The following GALNTL6 variants were observed in gnomAD, a reference collection of about 807,000 sequenced individuals.
GALNTL6 encodes polypeptide N-acetylgalactosaminyltransferase-like 6.
GALNTL6 carries 46 observed loss-of-function variants against 73.7 expected under a neutral mutation model. That is an observed-to-expected ratio of 0.62 (90% CI 0.49 to 0.80). GALNTL6 has a LOEUF of 0.80. GALNTL6 is among the 30% of genes least tolerant of loss of function. The pLI, the probability that GALNTL6 is intolerant of heterozygous loss-of-function variation, is 0.00. For synonymous variants in GALNTL6, 259 were observed against 263.7 expected, an observed-to-expected ratio of 0.98 and a Z score of 0.17; for missense variants, 604 against 755.0, an observed-to-expected ratio of 0.80 and a Z score of 2.34.
At chr4:172,090,330 G>T (rs996666266) in intron 2 of GALNTL6, among the ~76,000 whole-genome samples, 1 of 152,082 alleles carries the variant, frequency 6.6e-6, no homozygotes, top group South Asian at 2.1e-4. Flanking sequence ...GTGTAAAAGC[G>T]TTCCTATTTC....
At chr4:172,219,900 C>A (rs1443764599) in intron 2 of GALNTL6, among the ~76,000 whole-genome samples, 1 of 151,916 alleles carries the variant, frequency 6.6e-6, no homozygotes, top group Admixed American at 6.6e-5. Context: ...CTTGCTTACC[C>A]ACGTAAGAAC....
chr4:172,464,659 A>G (rs1732741153), intron 5 of GALNTL6, among the ~76,000 whole-genome samples: 1 of 152,014 alleles, frequency 6.6e-6, no homozygotes, highest in African/African-American at 2.4e-5. Context: ...GTGAGCCGAG[A>G]TCGCACCACT....
chr4:172,244,194 A>G (rs1478704934), intron 3 of GALNTL6, among the ~76,000 whole-genome samples: 3 of 152,158 alleles, frequency 2.0e-5, no homozygotes, highest in African/African-American at 7.2e-5. Flanking sequence ...TTTGTCACTC[A>G]TTGCATAATA....
intron 3 of GALNTL6, among the ~76,000 whole-genome samples, chr4:172,234,734 A>T (rs999128529): frequency 1.3e-5 from 2 of 152,264 alleles, no homozygotes; most frequent in African/African-American, 4.8e-5. Flanking sequence ...TTTATCTATG[A>T]ATTAATATTG....
chr4:172,219,204 T>TATATATATATATATATATAG (rs1736594879), intron 2 of GALNTL6, among the ~76,000 whole-genome samples: 1 of 141,562 alleles, frequency 7.1e-6, no homozygotes, highest in Non-Finnish European at 1.5e-5. Flanking sequence ...CAAGTGTATA[T>TATATATATATATATATATAG]ATATATATAT....
At chr4:172,460,922 G>A (rs1732587107) in intron 5 of GALNTL6, among the ~76,000 whole-genome samples, 1 of 152,146 alleles carries the variant, frequency 6.6e-6, no homozygotes, top group African/African-American at 2.4e-5. Context: ...ACACGTGTAT[G>A]TTTATTTCAG....
intron 4 of GALNTL6, among the ~76,000 whole-genome samples, chr4:172,346,469 T>G (rs1374061290): frequency 2.0e-5 from 3 of 152,224 alleles, no homozygotes; most frequent in Non-Finnish European, 4.4e-5. Flanking sequence ...GTGAATTCTC[T>G]TTCTACATAG....
intron 2 of GALNTL6, among the ~76,000 whole-genome samples, chr4:172,010,897 A>G (rs1488931064): frequency 6.6e-6 from 1 of 152,084 alleles, no homozygotes; most frequent in Non-Finnish European, 1.5e-5. Flanking sequence ...AATTTTTCAG[A>G]AAGAAAATAA....
chr4:172,464,075 T>G (rs1732713579), intron 5 of GALNTL6, among the ~76,000 whole-genome samples: 1 of 152,096 alleles, frequency 6.6e-6, no homozygotes, highest in Non-Finnish European at 1.5e-5. Flanking sequence ...TTTTATGGCA[T>G]TTTTTATATG....
chr4:172,540,701 C>G (rs1735521655), intron 5 of GALNTL6, among the ~76,000 whole-genome samples: 1 of 152,134 alleles, frequency 6.6e-6, no homozygotes, highest in Non-Finnish European at 1.5e-5. Context: ...TGGACACTTA[C>G]AAGTCATAGG....
Position 172,843,201 on chromosome 4 carries a change from G to GA in GALNTL6, c.923+29484dup, listed in dbSNP as rs569642615. ...CCTCCAAGGGCAGATTAAGGTTCAG[G>GA]AAAAAATGCCATTATAAATGGAGGT... On this transcript the variant is annotated intron_variant, in intron 7 of 12. Coordinates refer to ENST00000506823, the MANE Select transcript of GALNTL6 (RefSeq NM_001034845.3). Among the ~76,000 whole-genome samples the GA allele has an allele frequency of 1.7e-4, 26 of 152,116 alleles. No homozygotes were observed. In the South Asian group the frequency reaches 4.6e-3, roughly 27 times the overall value.
intron 5 of GALNTL6, among the ~76,000 whole-genome samples, chr4:172,385,668 G>A (rs1411693305): frequency 6.6e-6 from 1 of 151,660 alleles, no homozygotes; most frequent in Non-Finnish European, 1.5e-5. Context: ...GAATCTTGTG[G>A]ACAAAATATC....
At chr4:172,863,563 C>G (rs1378282299) in intron 7 of GALNTL6, among the ~76,000 whole-genome samples, 1 of 152,136 alleles carries the variant, frequency 6.6e-6, no homozygotes, top group Admixed American at 6.5e-5. Flanking sequence ...GCCAATTTCT[C>G]CCATTTGGAA....
intron 7 of GALNTL6, among the ~76,000 whole-genome samples, chr4:172,873,469 C>A (rs548347038): frequency 6.6e-6 from 1 of 152,354 alleles, no homozygotes; most frequent in East Asian, 1.9e-4. Flanking sequence ...AGAGCACCCA[C>A]AATCCCACCT....
At chr4:172,195,040 A>G (rs1445980887) in intron 2 of GALNTL6, among the ~76,000 whole-genome samples, 1 of 152,212 alleles carries the variant, frequency 6.6e-6, no homozygotes, top group African/African-American at 2.4e-5. Flanking sequence ...GGCATGCTGT[A>G]GTTAAGAGAC....
rs528019200 is a variant in GALNTL6 at position 172,295,947 on chromosome 4, G to A, written c.248-15667G>A. On this transcript the variant is annotated intron_variant, in intron 3 of 12. Transcript: ENST00000506823. ...TTTCTTTACTATATACATATATATA[G>A]CTTTTATTTTTTCTTGCCTTATATC... Among the ~76,000 whole-genome samples, 8 of 151,976 alleles carry A rather than the reference G, an allele frequency of 5.3e-5. No homozygotes were observed. The South Asian group carries it at 1.7e-3, about 32-fold the overall frequency.
chr4:172,407,582 T>C (rs1295532779), intron 5 of GALNTL6, among the ~76,000 whole-genome samples: 4 of 152,088 alleles, frequency 2.6e-5, no homozygotes, highest in Non-Finnish European at 5.9e-5. Context: ...GAACTTCATA[T>C]TGGGGAAAAG....
chr4:172,658,336 G>A lies in GALNTL6; in HGVS notation c.554-151025G>A, dbSNP rs182127849. 9.2e-3 allele frequency among the ~76,000 whole-genome samples: 1,367 copies of A among 148,798 alleles called. 22 individuals are homozygous for A. The highest frequency in any genetic ancestry group is 0.031 in the African/African-American group (1,269 of 40,476). ...CAAAAAATTAGCCGGGCGTGGTGGCGGACGCCTGTATTCCCAGCTACTCGG... is the reference window on the plus strand; with the variant it reads ...CAAAAAATTAGCCGGGCGTGGTGGCAGACGCCTGTATTCCCAGCTACTCGG... On this transcript the variant is annotated intron_variant, in intron 5 of 12. Transcript: ENST00000506823.
intron 12 of GALNTL6, among the ~76,000 whole-genome samples, chr4:173,032,532 C>CA (rs1456991959): frequency 6.6e-6 from 1 of 150,786 alleles, no homozygotes; most frequent in Non-Finnish European, 1.5e-5. Flanking sequence ...CAAAAAAATA[C>CA]AAAAATTAGC....
Sources: gnomAD v4.1 joint callset for allele counts (sites outside exome capture counted in the v4.1 genomes callset) on GRCh38, gnomAD v4.1.1 for gene constraint, MANE v1.5 for transcripts, NCBI Gene and HGNC (gene_info 2026-07-23, HGNC 2026-07-21) for gene names.